The following LAIR1 variants were observed in gnomAD, a reference collection of about 807,000 sequenced individuals.
The protein encoded by LAIR1 is leukocyte-associated immunoglobulin-like receptor 1.
LAIR1 carries 24 observed loss-of-function variants against 32.8 expected under a neutral mutation model. The observed-to-expected ratio is 0.73, with a 90% CI of 0.53 to 1.03. The LOEUF (loss-of-function observed/expected upper bound fraction) is 1.03, where lower values mean the gene tolerates loss of function less well. Ranked by LOEUF, LAIR1 falls within the 50% of genes least tolerant of loss-of-function variation. The probability of loss-of-function intolerance (pLI) is 0.00; values close to 1 mark genes in which losing one functional copy is unlikely to be tolerated. For missense variants in LAIR1, 355 were observed against 347.5 expected, an observed-to-expected ratio of 1.02 and a Z score of -0.17; for synonymous variants, 150 against 140.5, an observed-to-expected ratio of 1.07 and a Z score of -0.48.
chr19:54,361,200 G>A lies in LAIR1; in HGVS notation c.80C>T (p.Pro27Leu). ...QTIHTQEEDL[P>L]RPSISAEPGT... ...TGGCTCAGCCGAGATGGAGGGTCTGGGCAGATCTTCTAGGAGGGAAGCAGA... is the reference window on the plus strand; with the variant it reads ...TGGCTCAGCCGAGATGGAGGGTCTGAGCAGATCTTCTAGGAGGGAAGCAGA... Residue 27 changes from proline (P) to leucine (L), a missense_variant, in exon 3 of 10, where the codon CCC (proline) becomes CTC (leucine). Transcript: ENST00000391742. The A allele has an allele frequency of 1.2e-6, 2 of 1,614,128 alleles. No homozygotes were observed. The highest frequency in any genetic ancestry group is 2.2e-5 in the South Asian group (2 of 91,076).
chr19:54,361,451 C>G (rs2082019759), intron 2 of LAIR1, among the ~76,000 whole-genome samples: 1 of 151,808 alleles, frequency 6.6e-6, no homozygotes, highest in African/African-American at 2.4e-5. Context: ...ACAACTTGGG[C>G]CTTGCTCAGG....
In LAIR1 at chr19:54,356,393, G is replaced by C; in HGVS notation, c.589C>G (p.Pro197Ala). 6.3e-7 allele frequency: 1 copy of C among 1,592,498 alleles called. No individual in the cohort carries two copies. The highest frequency in any genetic ancestry group is 1.1e-5 in the South Asian group (1 of 87,764). The part of the protein sequence containing the change: ...HRQNQIKQGP[P>A]RSKDEEQKPQ... ...TTCTGCTCCTCGTCCTTGCTTCTGG[G>C]GGGCCCTAAGGACAGTCGGGGTGTG... Residue 197 changes from proline to alanine, a missense_variant, in exon 7 of 10, where the codon CCC becomes GCC. By Grantham distance (27) the Pro-to-Ala change is conservative. Coordinates refer to ENST00000391742, the MANE Select transcript of LAIR1 (RefSeq NM_002287.6).
the LAIR1 span, among the ~76,000 whole-genome samples, chr19:54,375,564 G>A: frequency 3.9e-5 from 6 of 152,272 alleles, no homozygotes; most frequent in African/African-American, 4.8e-5. Context: ...AAATCCAGAC[G>A]GGCAACCACG....
At chr19:54,357,100 C>A in intron 4 of LAIR1, 134 bp from the exon 5 acceptor site, 1 of 723,490 alleles carries the variant, frequency 1.4e-6, no homozygotes, top group Non-Finnish European at 2.3e-6. Context: ...TAGACCAGCA[C>A]CGACCAGCAG....
upstream of LAIR1, among the ~76,000 whole-genome samples, chr19:54,365,367 C>G (rs570983530): frequency 1.3e-5 from 2 of 152,212 alleles, no homozygotes; most frequent in South Asian, 2.1e-4. Context: ...TGTGGAGAAA[C>G]TGGATCCCTC....
chr19:54,371,632 A>G (rs1569213240), upstream of LAIR1, among the ~76,000 whole-genome samples: 1 of 151,600 alleles, frequency 6.6e-6, no homozygotes, highest in East Asian at 1.9e-4. Context: ...TATAGTTTTC[A>G]AAACAATGTT....
At chr19:54,360,723 G>A in intron 3 of LAIR1, 193 bp downstream of exon 3, 1 of 599,988 alleles carries the variant, frequency 1.7e-6, no homozygotes, top group East Asian at 2.8e-5. Flanking sequence ...AGGAGACCAG[G>A]GCTCCAGGAA....
At chr19:54,362,811 A>AT (rs374474450) in intron 2 of LAIR1, among the ~76,000 whole-genome samples, 98 of 151,978 alleles carry the variant, frequency 6.4e-4, no homozygotes, top group African/African-American at 2.0e-3. Flanking sequence ...AAAATGAATT[A>AT]TTTTTTTTCA....
chr19:54,363,895 T>C (rs1337293876), intron 2 of LAIR1, among the ~76,000 whole-genome samples: 1 of 152,176 alleles, frequency 6.6e-6, no homozygotes, highest in Middle Eastern at 3.2e-3. Context: ...TGACAGTAGT[T>C]CATAATAATT....
At chr19:54,375,270 C>T (rs2082480525), upstream of LAIR1, among the ~76,000 whole-genome samples, 1 of 152,172 alleles carries the variant, frequency 6.6e-6, no homozygotes, top group South Asian at 2.1e-4. Context: ...CCCTCAATCC[C>T]TCGCCTGCCG....
rs1200409162 is a variant in LAIR1 at position 54,353,535 on chromosome 19, G to A, written c.*1733C>T. 1 of 152,080 alleles carries A rather than the reference G, an allele frequency of 6.6e-6. No individual in the cohort carries two copies. Among genetic ancestry groups the A allele is most frequent in the Non-Finnish European group, 1.5e-5 (1 of 68,026 alleles). 9.4% of individuals were successfully genotyped at this position (152,080 alleles called of 1,614,324 possible). On this transcript the variant is annotated 3_prime_UTR_variant, in exon 10 of 10. Coordinates refer to ENST00000391742, the MANE Select transcript of LAIR1 (RefSeq NM_002287.6). The stretch of plus-strand genomic sequence containing the variant: ...AGGTGGGTCTGAAGCCCCTGTCTCT[G>A]AGACTTGGCCGACCTTGGACAGGTT...
upstream of LAIR1, among the ~76,000 whole-genome samples, chr19:54,374,905 C>A (rs2082474504): frequency 6.6e-6 from 1 of 152,098 alleles, no homozygotes; most frequent in South Asian, 2.1e-4. Flanking sequence ...CTCAGCCCAG[C>A]CCTTCCGTAC....
intron 4 of LAIR1, chr19:54,357,256 GGCCTGA>G: frequency 2.1e-6 from 1 of 472,168 alleles, no homozygotes; most frequent in East Asian, 3.7e-5. Flanking sequence ...TGACCCCACG[GGCCTGA>G]TGCCATCCCT....
upstream of LAIR1, among the ~76,000 whole-genome samples, chr19:54,374,468 C>T (rs2082469378): frequency 1.3e-5 from 2 of 152,140 alleles, no homozygotes; most frequent in African/African-American, 4.8e-5. Context: ...TTTCCTCTTT[C>T]TCTGAACCGG....
chr19:54,358,707 G>T lies in LAIR1; in HGVS notation c.415+1315C>A, dbSNP rs910907550. On this transcript the variant is annotated intron_variant, in intron 4 of 9. Coordinates refer to ENST00000391742, the MANE Select transcript of LAIR1 (RefSeq NM_002287.6). ...TCTAATCAGCACTGATGTCAGCGCCGTGTGTACCTGAACTCAAGTCTGCCC... is the reference window on the plus strand; with the variant it reads ...TCTAATCAGCACTGATGTCAGCGCCTTGTGTACCTGAACTCAAGTCTGCCC... 9.4e-6 allele frequency: 9 copies of T among 958,116 alleles called. 1 individual carries two copies. The highest frequency in any genetic ancestry group is 6.6e-5 in the Admixed American group (3 of 45,688). The allele number at this position is 958,116 out of a possible 1,614,324, so 59.4% of individuals were successfully genotyped here.
At chr19:54,364,975 C>A (rs1414671584), upstream of LAIR1, 5 of 1,504,152 alleles carry the variant, frequency 3.3e-6, no homozygotes, top group Non-Finnish European at 4.4e-6. The surrounding 1 kb of genome is among the most constrained non-coding windows in gnomAD (Gnocchi z 4.8). Context: ...TCTTTCCACC[C>A]TTCCCACTAG....
upstream of LAIR1, among the ~76,000 whole-genome samples, chr19:54,373,828 C>A (rs2082459825): frequency 6.6e-6 from 1 of 152,238 alleles, no homozygotes; most frequent in Non-Finnish European, 1.5e-5. Flanking sequence ...GACTCAGGGA[C>A]ACCCGCTTCC....
rs1340587355 is a variant in LAIR1 at position 54,364,874 on chromosome 19, C to G, written c.-70G>C. The G allele has an allele frequency of 4.3e-6, 7 of 1,613,626 alleles. No homozygotes were observed. The highest frequency in any genetic ancestry group is 3.3e-5 in the South Asian group (3 of 91,046). Reference sequence around the variant, plus strand: ...CAAGGACAGAACTCTGCAGCAGACACAAGCAGACAGGATGTGCTGCCCGGG... The same window carrying G: ...CAAGGACAGAACTCTGCAGCAGACAGAAGCAGACAGGATGTGCTGCCCGGG... On this transcript the variant is annotated 5_prime_UTR_variant, in exon 1 of 10. Transcript: ENST00000391742. The surrounding 1 kb of genome is among the most constrained non-coding windows in gnomAD (Gnocchi z 4.8).
intron 2 of LAIR1, among the ~76,000 whole-genome samples, chr19:54,363,046 C>T (rs1036725424): frequency 3.3e-5 from 5 of 151,614 alleles, no homozygotes; most frequent in African/African-American, 1.2e-4. Flanking sequence ...TTTCATCTTA[C>T]GATGAGATAT....
Sources: allele counts gnomAD v4.1 joint callset (sites outside exome capture counted in the v4.1 genomes callset), GRCh38; gene constraint gnomAD v4.1.1; non-coding constraint Gnocchi (gnomAD v3.1); transcripts MANE v1.5; gene names NCBI Gene and HGNC (gene_info 2026-07-23, HGNC 2026-07-21).